MCTP1: variants seen among roughly 807,000 people sequenced by gnomAD.
MCTP1 encodes the protein multiple C2 and transmembrane domain containing 1, also known as multiple C2 and transmembrane domain-containing protein 1.
MCTP1 carries 69 observed loss-of-function variants against 120.6 expected under a neutral mutation model. The ratio of observed to expected loss-of-function variants is 0.57; its 90% CI spans 0.47 to 0.70. The LOEUF (loss-of-function observed/expected upper bound fraction) is 0.70. Among genes scored for constraint, MCTP1 ranks in the 30% least tolerant of loss-of-function variants. The probability of loss-of-function intolerance (pLI) is 0.00; values close to 1 mark genes in which losing one functional copy is unlikely to be tolerated. For missense variants in MCTP1, 1,203 were observed against 1,248.8 expected, an observed-to-expected ratio of 0.96 and a Z score of 0.55; for synonymous variants, 529 against 493.1, an observed-to-expected ratio of 1.07 and a Z score of -0.96.
chr5:94,843,224 T>C (rs1791529287), intron 17 of MCTP1, among the ~76,000 whole-genome samples: 1 of 152,046 alleles, frequency 6.6e-6, no homozygotes, highest in Admixed American at 6.6e-5. Context: ...CTCCATCCTT[T>C]AAAGGCTCAA....
intron 1 of MCTP1, among the ~76,000 whole-genome samples, chr5:95,137,186 A>G (rs1472728730): frequency 6.6e-6 from 1 of 152,210 alleles, no homozygotes; most frequent in Non-Finnish European, 1.5e-5. Context: ...CTTAGGACCT[A>G]GAGCCTCACT....
chr5:94,836,050 C>T (rs368691143), intron 17 of MCTP1, among the ~76,000 whole-genome samples: 3 of 150,996 alleles, frequency 2.0e-5, no homozygotes, highest in African/African-American at 4.9e-5. Context: ...CATGGTGGCA[C>T]GCACCTATAG....
intron 17 of MCTP1, among the ~76,000 whole-genome samples, chr5:94,833,686 T>C (rs531769137): frequency 6.6e-6 from 1 of 152,342 alleles, no homozygotes; most frequent in East Asian, 1.9e-4. Context: ...AGATATTGGC[T>C]ACTCAAGTTA....
intron 17 of MCTP1, among the ~76,000 whole-genome samples, chr5:94,862,112 A>G (rs1382173440): frequency 2.0e-5 from 3 of 151,936 alleles, no homozygotes; most frequent in East Asian, 1.9e-4. Flanking sequence ...AAATGAAATC[A>G]TTTTCTTTTC....
intron 1 of MCTP1, among the ~76,000 whole-genome samples, chr5:95,163,476 CCT>C (rs1745971959): frequency 6.6e-6 from 1 of 152,162 alleles, no homozygotes; most frequent in African/African-American, 2.4e-5. Context: ...AAAATCCCTC[CCT>C]GTTTCAAATG....
At chr5:94,751,615 G>C (rs900290265) in intron 19 of MCTP1, among the ~76,000 whole-genome samples, 2 of 152,080 alleles carry the variant, frequency 1.3e-5, no homozygotes, top group Admixed American at 6.5e-5. Flanking sequence ...GGAATGTGAG[G>C]ATCAAGTGCC....
At chr5:95,178,372 C>CA (rs1185373068) in intron 1 of MCTP1, among the ~76,000 whole-genome samples, 3 of 152,242 alleles carry the variant, frequency 2.0e-5, no homozygotes, top group Admixed American at 2.0e-4. Context: ...GAAAATGAGA[C>CA]AGAGTCTTGC....
chr5:94,843,535 G>T (rs544048412), intron 17 of MCTP1, among the ~76,000 whole-genome samples: 158 of 152,228 alleles, frequency 1.0e-3, no homozygotes, highest in Non-Finnish European at 2.1e-3. Context: ...GTTAGGTTGG[G>T]GTTAGATAAT....
intron 1 of MCTP1, among the ~76,000 whole-genome samples, chr5:95,239,592 C>T (rs1262888168): frequency 6.6e-6 from 1 of 152,130 alleles, no homozygotes; most frequent in Non-Finnish European, 1.5e-5. Flanking sequence ...AATTCAGAGG[C>T]TACCTGGCTT....
intron 12 of MCTP1, among the ~76,000 whole-genome samples, chr5:94,882,578 C>T (rs980637495): frequency 8.2e-4 from 125 of 152,216 alleles, no homozygotes; most frequent in African/African-American, 2.7e-3. Context: ...ATTCTAGCAT[C>T]ATGAAGGTAT....
chr5:94,836,542 T>C (rs900343842), intron 17 of MCTP1, among the ~76,000 whole-genome samples: 1 of 152,218 alleles, frequency 6.6e-6, no homozygotes, highest in Non-Finnish European at 1.5e-5. Flanking sequence ...TTAGATTCTT[T>C]ATAAAGATAC....
At chr5:95,198,970 T>C (rs376226572) in intron 1 of MCTP1, among the ~76,000 whole-genome samples, 29 of 152,194 alleles carry the variant, frequency 1.9e-4, no homozygotes, top group African/African-American at 5.8e-4. Context: ...AAGGACTGAA[T>C]CTCCAAAAGC....
At chr5:94,741,177 A>T (rs1314080377) in intron 19 of MCTP1, among the ~76,000 whole-genome samples, 1 of 152,210 alleles carries the variant, frequency 6.6e-6, no homozygotes, top group Non-Finnish European at 1.5e-5. Flanking sequence ...TTAGAGTCTT[A>T]TTTATAACTC....
chr5:94,908,174 T>C (rs1476110685), intron 10 of MCTP1, among the ~76,000 whole-genome samples: 1 of 151,918 alleles, frequency 6.6e-6, no homozygotes, highest in Admixed American at 6.6e-5. Context: ...ACTCTGAAAA[T>C]AGTGTTTTAA....
At chr5:94,925,964 A>G (rs1039001578) in intron 6 of MCTP1, among the ~76,000 whole-genome samples, 3 of 152,208 alleles carry the variant, frequency 2.0e-5, no homozygotes, top group Admixed American at 6.5e-5. Flanking sequence ...AAATCTAATT[A>G]TGAATCTAAA....
chr5:95,082,458 T>C (rs1755049299), intron 1 of MCTP1, among the ~76,000 whole-genome samples: 1 of 152,130 alleles, frequency 6.6e-6, no homozygotes, highest in African/African-American at 2.4e-5. Context: ...TAAATTCACT[T>C]GCCATCAGCC....
At chr5:94,768,198 C>A (rs959063185) in intron 19 of MCTP1, among the ~76,000 whole-genome samples, 1 of 152,038 alleles carries the variant, frequency 6.6e-6, no homozygotes, top group Admixed American at 6.6e-5. Flanking sequence ...ACTGGATATC[C>A]ATATGCAGAA....
At chr5:94,963,576 T>G (rs1824871842) in intron 2 of MCTP1, among the ~76,000 whole-genome samples, 1 of 152,064 alleles carries the variant, frequency 6.6e-6, no homozygotes, top group African/African-American at 2.4e-5. Flanking sequence ...TGAGGACCTT[T>G]TCTTATGCTT....
intron 19 of MCTP1, among the ~76,000 whole-genome samples, chr5:94,751,947 G>A (rs536718845): frequency 7.9e-4 from 116 of 146,358 alleles, no homozygotes; most frequent in East Asian, 3.4e-3. Context: ...ATCACACTCC[G>A]GGGACTGTTG....
Sources: gnomAD v4.1 joint callset for allele counts (sites outside exome capture counted in the v4.1 genomes callset) on GRCh38, gnomAD v4.1.1 for gene constraint, MANE v1.5 for transcripts, NCBI Gene and HGNC (gene_info 2026-07-23, HGNC 2026-07-21) for gene names.